The following ATF7IP2 variants were observed in gnomAD, a reference collection of about 807,000 sequenced individuals.
The protein encoded by ATF7IP2 is activating transcription factor 7-interacting protein 2.
In ATF7IP2, 42 loss-of-function variants were observed where a neutral mutation model predicts 64.2. That is an observed-to-expected ratio of 0.65 (90% CI 0.51 to 0.85). ATF7IP2 has a LOEUF of 0.85. Among genes scored for constraint, ATF7IP2 ranks in the 40% least tolerant of loss-of-function variants. The pLI is 0.00. For synonymous variants in ATF7IP2, 308 were observed against 272.8 expected, an observed-to-expected ratio of 1.13 and a Z score of -1.27; for missense variants, 933 against 784.2, an observed-to-expected ratio of 1.19 and a Z score of -2.27.
chr16:10,456,611 C>T (rs541955150), intron 8 of ATF7IP2, among the ~76,000 whole-genome samples: 1 of 152,296 alleles, frequency 6.6e-6, no homozygotes, highest in Admixed American at 6.5e-5. Flanking sequence ...CCTGCCGGTG[C>T]CACCTCAATC....
chr16:10,464,533 A>C (rs2049489323), intron 9 of ATF7IP2, among the ~76,000 whole-genome samples: 1 of 152,218 alleles, frequency 6.6e-6, no homozygotes, highest in Non-Finnish European at 1.5e-5. Flanking sequence ...TTATGGCCCA[A>C]AACACATGAC....
chr16:10,467,842 G>T (rs1278573463), intron 9 of ATF7IP2, among the ~76,000 whole-genome samples: 3 of 147,560 alleles, frequency 2.0e-5, no homozygotes, highest in African/African-American at 7.5e-5. Context: ...TGTGAGCCAT[G>T]GCGCCCAGCC....
chr16:10,431,313 A>G lies in ATF7IP2; in HGVS notation c.693A>G (p.Lys231=), dbSNP rs768829487. Residue 231 remains lysine, a synonymous_variant, in exon 5 of 14, where the codon AAA becomes AAG. Transcript: ENST00000562102. ...SEDSGFVPVE[K]TPNLVNSVTS... ...ACTCAGGTTTTGTGCCTGTTGAGAA[A>G]ACACCTAATTTGGTGAATTCAGTCA... 6.8e-6 allele frequency: 11 copies of G among 1,614,098 alleles called. No homozygotes were observed. Among genetic ancestry groups the G allele is most frequent in the Non-Finnish European group, 8.5e-6 (10 of 1,180,044 alleles).
At chr16:10,456,331 G>A (rs1041657661) in intron 8 of ATF7IP2, among the ~76,000 whole-genome samples, 6 of 152,148 alleles carry the variant, frequency 3.9e-5, no homozygotes, top group African/African-American at 1.2e-4. Context: ...AGTATGCCCC[G>A]GAGAGAAAGT....
At chr16:10,400,331 G>A (rs142926013) in intron 1 of ATF7IP2, among the ~76,000 whole-genome samples, 199 of 151,962 alleles carry the variant, frequency 1.3e-3, no homozygotes, top group Non-Finnish European at 5.0e-4. Flanking sequence ...ATTAGCCACC[G>A]TGCCCAGCCG....
chr16:10,483,026 A>AT lies in ATF7IP2; in HGVS notation c.*781dup, dbSNP rs1243138201. ...ACCATGCCTGGCCAAAAATTAAAAG[A>AT]TTTTATGAAACGAAATGGCTTCCCA... On this transcript the variant is annotated 3_prime_UTR_variant, in exon 14 of 14. Transcript: ENST00000562102. 6 of 152,224 alleles carry AT rather than the reference A, an allele frequency of 3.9e-5. No homozygotes were observed. The highest frequency in any genetic ancestry group is 8.8e-5 in the Non-Finnish European group (6 of 68,044). 9.4% of individuals were successfully genotyped at this position (152,224 alleles called of 1,614,324 possible).
chr16:10,394,365 A>G (rs1328940183), intron 1 of ATF7IP2, among the ~76,000 whole-genome samples: 1 of 151,822 alleles, frequency 6.6e-6, no homozygotes, highest in Non-Finnish European at 1.5e-5. Flanking sequence ...GCACCTACTA[A>G]GAGAGCAGCA....
At chr16:10,449,247 A>C (rs1309390316) in intron 8 of ATF7IP2, 1 of 152,182 alleles carries the variant, frequency 6.6e-6, no homozygotes, top group Non-Finnish European at 1.5e-5. Flanking sequence ...ATTGATGTTC[A>C]TCAGGGATAT....
rs1389578622 is a variant in ATF7IP2 at position 10,482,362 on chromosome 16, T to C, written c.*113T>C. On this transcript the variant is annotated 3_prime_UTR_variant, in exon 14 of 14. Transcript: ENST00000562102. ...CAGCTCAGATTGTGAGCCCTTTCTATTGGGACAGTCCTCTTCTATATGTTT... is the reference window on the plus strand; with the variant it reads ...CAGCTCAGATTGTGAGCCCTTTCTACTGGGACAGTCCTCTTCTATATGTTT... 34 of 755,632 alleles carry C rather than the reference T, an allele frequency of 4.5e-5. No homozygotes were observed. Among genetic ancestry groups the C allele is most frequent in the Non-Finnish European group, 7.2e-5 (34 of 472,212 alleles). The allele number at this position is 755,632 out of a possible 1,614,324, so 46.8% of individuals were successfully genotyped here.
intron 3 of ATF7IP2, among the ~76,000 whole-genome samples, chr16:10,424,627 T>C: frequency 6.6e-6 from 1 of 152,212 alleles, no homozygotes; most frequent in East Asian, 1.9e-4. Flanking sequence ...TAAGGAACTC[T>C]TACAAGCCAG....
At chr16:10,454,961 CTTATT>C (rs1177995476) in intron 8 of ATF7IP2, among the ~76,000 whole-genome samples, 3 of 152,128 alleles carry the variant, frequency 2.0e-5, no homozygotes, top group African/African-American at 7.2e-5. Context: ...GAAAGTTAAA[CTTATT>C]TTATAGTCCA....
At chr16:10,474,802 G>T (rs1450594426) in intron 12 of ATF7IP2, among the ~76,000 whole-genome samples, 2 of 152,184 alleles carry the variant, frequency 1.3e-5, no homozygotes, top group Non-Finnish European at 2.9e-5. Flanking sequence ...AAAGAACAAA[G>T]AATTCACAGG....
chr16:10,434,484 A>G (rs959782872), intron 6 of ATF7IP2, among the ~76,000 whole-genome samples: 5 of 152,224 alleles, frequency 3.3e-5, no homozygotes, highest in African/African-American at 1.2e-4. Context: ...ACAGACCATT[A>G]CAATTACATA....
intron 8 of ATF7IP2, chr16:10,449,866 G>A (rs553963711): frequency 6.6e-6 from 1 of 152,028 alleles, no homozygotes; most frequent in Non-Finnish European, 1.5e-5. Context: ...TCTTCTGCTA[G>A]CTTTTGAATT....
intron 6 of ATF7IP2, 22 bp from the exon 7 acceptor site, chr16:10,438,079 G>A: frequency 6.6e-7 from 1 of 1,511,688 alleles, no homozygotes; most frequent in African/African-American, 1.4e-5. Context: ...AGGGTGTTTT[G>A]GTTTTTATTT....
At chr16:10,473,747 T>C (rs570532060) in intron 11 of ATF7IP2, among the ~76,000 whole-genome samples, 176 bp from the exon 12 acceptor site, 2 of 152,318 alleles carry the variant, frequency 1.3e-5, no homozygotes, top group East Asian at 3.9e-4. Context: ...TTTAGTATTT[T>C]ATAAGAGCTT....
intron 12 of ATF7IP2, among the ~76,000 whole-genome samples, chr16:10,477,303 T>C (rs2050046077): frequency 6.6e-6 from 1 of 152,200 alleles, no homozygotes; most frequent in Admixed American, 6.5e-5. Flanking sequence ...TTTGCGTATA[T>C]TGAACCAGCC....
At chr16:10,418,915 G>T (rs1051313654) in intron 2 of ATF7IP2, among the ~76,000 whole-genome samples, 1 of 152,164 alleles carries the variant, frequency 6.6e-6, no homozygotes, top group Non-Finnish European at 1.5e-5. Context: ...CCATCTGACC[G>T]TTTTGTTCAG....
At chr16:10,413,826 A>G (rs533910618) in intron 1 of ATF7IP2, among the ~76,000 whole-genome samples, 1 of 152,178 alleles carries the variant, frequency 6.6e-6, no homozygotes, top group Non-Finnish European at 1.5e-5. Flanking sequence ...CTCTTAGCTG[A>G]TAATTGTTTT....
Sources: gnomAD v4.1 joint callset for allele counts (sites outside exome capture counted in the v4.1 genomes callset) on GRCh38, gnomAD v4.1.1 for gene constraint, MANE v1.5 for transcripts, NCBI Gene and HGNC (gene_info 2026-07-23, HGNC 2026-07-21) for gene names.